PARVB: variants seen among roughly 807,000 people sequenced by gnomAD.
PARVB encodes parvin beta, also known as beta-parvin.
PARVB carries 46 observed loss-of-function variants against 47.0 expected under a neutral mutation model. The ratio of observed to expected loss-of-function variants is 0.98; its 90% CI spans 0.77 to 1.25. The LOEUF (loss-of-function observed/expected upper bound fraction) is 1.25. PARVB is among the 50% of genes most tolerant of loss of function. PARVB has a pLI of 0.00. For missense variants in PARVB, 473 were observed against 471.6 expected, an observed-to-expected ratio of 1.00 and a Z score of -0.03; for synonymous variants, 196 against 196.3, an observed-to-expected ratio of 1.00 and a Z score of 0.01.
intron 1 of PARVB, among the ~76,000 whole-genome samples, chr22:44,061,529 T>C (rs1250671651): frequency 1.3e-5 from 2 of 152,056 alleles, no homozygotes; most frequent in Admixed American, 1.3e-4. Flanking sequence ...AAATAGACCA[T>C]GAAATGGACA....
chr22:44,060,440 T>C (rs889434585), intron 1 of PARVB, among the ~76,000 whole-genome samples: 7 of 152,130 alleles, frequency 4.6e-5, no homozygotes, highest in African/African-American at 1.7e-4. Context: ...GAAAGGGAGA[T>C]TGAGCCAGAA....
intron 7 of PARVB, among the ~76,000 whole-genome samples, chr22:44,137,712 G>A (rs978723267): frequency 6.6e-6 from 1 of 152,062 alleles, no homozygotes; most frequent in African/African-American, 2.4e-5. Flanking sequence ...GGTTGGTGTT[G>A]GCCTCCCCTG....
intron 1 of PARVB, among the ~76,000 whole-genome samples, chr22:44,063,970 G>GCCTTT (rs2051469783): frequency 6.6e-6 from 1 of 152,222 alleles, no homozygotes; most frequent in African/African-American, 2.4e-5. Context: ...GTGCGGTGCG[G>GCCTTT]CCTTTGATAC....
chr22:44,078,578 C>G (rs1420463549), intron 1 of PARVB, among the ~76,000 whole-genome samples: 1 of 152,168 alleles, frequency 6.6e-6, no homozygotes, highest in Non-Finnish European at 1.5e-5. Context: ...ATCTCCCACC[C>G]CAAGGTCCTT....
chr22:44,038,023 G>T (rs2050951094), intron 1 of PARVB, among the ~76,000 whole-genome samples: 1 of 152,182 alleles, frequency 6.6e-6, no homozygotes, highest in African/African-American at 2.4e-5. Context: ...CTTTCTGTGG[G>T]TCCCATGATC....
At chr22:44,107,701 C>A (rs1290228918) in intron 3 of PARVB, 1 of 152,144 alleles carries the variant, frequency 6.6e-6, no homozygotes. Context: ...GTCACACTTA[C>A]ATAATGAATC....
Position 44,132,832 on chromosome 22 carries a change from C to T in PARVB, c.518-62C>T, listed in dbSNP as rs115099621. ...TGCTGTGTCTCTGTTGCCTTCTGCA[C>T]GTGGGCTCAGGTTCCTGTGTAACCT... On this transcript the variant is annotated intron_variant, in intron 5 of 12. Transcript: ENST00000338758. 969 of 1,086,534 alleles carry T rather than the reference C, an allele frequency of 8.9e-4. 6 individuals carry two copies. The African/African-American group carries it at 9.0e-3, about 10-fold the overall frequency. 67.3% of individuals were successfully genotyped at this position (1,086,534 alleles called of 1,614,324 possible). A position where few individuals can be genotyped will look rare whatever the true frequency, so the allele number is the denominator to read the frequency against.
intron 1 of PARVB, among the ~76,000 whole-genome samples, chr22:44,054,495 A>G (rs1307595426): frequency 6.6e-6 from 1 of 151,330 alleles, no homozygotes; most frequent in South Asian, 2.1e-4. Context: ...AGATTACAGC[A>G]TGAGCTCCTC....
At chr22:44,153,107 G>A (rs774322964) in intron 10 of PARVB, 2 of 152,146 alleles carry the variant, frequency 1.3e-5, no homozygotes, top group African/African-American at 4.8e-5. Context: ...ATTTATTTGT[G>A]TATCGTTGGC....
At chr22:44,096,877 C>A (rs2052320719) in intron 2 of PARVB, among the ~76,000 whole-genome samples, 1 of 152,166 alleles carries the variant, frequency 6.6e-6, no homozygotes. Flanking sequence ...CTGGGCACTG[C>A]TTCTCCTCTG....
intron 3 of PARVB, among the ~76,000 whole-genome samples, chr22:44,116,420 C>G (rs925860619): frequency 6.6e-6 from 1 of 152,248 alleles, no homozygotes; most frequent in Non-Finnish European, 1.5e-5. Context: ...ACCATCACAA[C>G]CTGAAACTGT....
At chr22:44,023,570 A>G (rs2050680398), upstream of PARVB, among the ~76,000 whole-genome samples, 1 of 148,794 alleles carries the variant, frequency 6.7e-6, no homozygotes. Flanking sequence ...AATAAAATAA[A>G]ATAAAATAAA....
intron 2 of PARVB, among the ~76,000 whole-genome samples, chr22:44,098,269 C>G (rs907942142): frequency 6.6e-6 from 1 of 152,162 alleles, no homozygotes; most frequent in South Asian, 2.1e-4. Flanking sequence ...GCTCCTTGCC[C>G]GCCTGAGATG....
At chr22:44,019,507 A>ACCGTGC (rs2050621980), upstream of PARVB, among the ~76,000 whole-genome samples, 1 of 152,256 alleles carries the variant, frequency 6.6e-6, no homozygotes, top group Admixed American at 6.5e-5. Flanking sequence ...GGCATGAGCC[A>ACCGTGC]CCGTGCCCGG....
At chr22:44,075,132 C>T (rs1569093893) in intron 1 of PARVB, among the ~76,000 whole-genome samples, 3 of 152,228 alleles carry the variant, frequency 2.0e-5, no homozygotes, top group Non-Finnish European at 2.9e-5. Context: ...AGTTGAGATC[C>T]GCTGAGCTGA....
At chr22:44,035,677 G>A (rs2050909920) in intron 1 of PARVB, among the ~76,000 whole-genome samples, 1 of 152,038 alleles carries the variant, frequency 6.6e-6, no homozygotes, top group South Asian at 2.1e-4. Context: ...GTCCGTCAAG[G>A]CTTCTTGGGA....
rs372581212 is a variant in PARVB at position 44,006,485 on chromosome 22, C to T, written c.211+6812C>T. 1.1e-4 allele frequency among the ~76,000 whole-genome samples: 17 copies of T among 151,978 alleles called. No homozygotes were observed. In the East Asian group the frequency reaches 1.4e-3, roughly 12 times the overall value. On this transcript the variant is annotated intron_variant, in intron 2 of 13. Transcript: ENST00000406477. Reference sequence around the variant, plus strand: ...ACTAAAATACAGAAAATCAGTCGGGCGTGGTGGCATGCGCCTGTAGTCCCA... The same window carrying T: ...ACTAAAATACAGAAAATCAGTCGGGTGTGGTGGCATGCGCCTGTAGTCCCA...
intron 4 of PARVB, among the ~76,000 whole-genome samples, chr22:44,124,173 G>T (rs1238818525): frequency 1.3e-5 from 2 of 152,214 alleles, no homozygotes; most frequent in Non-Finnish European, 2.9e-5. Flanking sequence ...GATGAGTATT[G>T]TTTGGATTTT....
At chr22:44,153,697 A>G (rs74913363) in intron 10 of PARVB, 23,702 of 152,204 alleles carry the variant, frequency 0.16, 2,386 homozygotes, top group Admixed American at 0.23. Context: ...TTGTGTCACT[A>G]AATACACTGT....
Sources: gnomAD v4.1 joint callset for allele counts (sites outside exome capture counted in the v4.1 genomes callset) on GRCh38, gnomAD v4.1.1 for gene constraint, MANE v1.5 for transcripts, NCBI Gene and HGNC (gene_info 2026-07-23, HGNC 2026-07-21) for gene names.